Variants in CHST9 observed in about 807,000 individuals in gnomAD.
CHST9 encodes the protein GalNAc-4-sulfotransferase 2.
In CHST9, 41 loss-of-function variants were observed where a neutral mutation model predicts 44.4. That is an observed-to-expected ratio of 0.92 (90% CI 0.72 to 1.20). CHST9 has a LOEUF of 1.20. Among genes scored for constraint, CHST9 ranks in the 50% most tolerant of loss-of-function variants. The pLI, the probability that CHST9 is intolerant of heterozygous loss-of-function variation, is 0.00. For synonymous variants in CHST9, 171 were observed against 178.4 expected (o/e 0.96, Z 0.33); for missense variants, 504 against 516.5 (o/e 0.98, Z 0.23).
chr18:27,037,792 A>T (rs2143519025), intron 3 of CHST9, among the ~76,000 whole-genome samples: 1 of 152,286 alleles, frequency 6.6e-6, no homozygotes, highest in South Asian at 2.1e-4. Context: ...ACGTTATTTA[A>T]AAGCAAGAGA....
intron 1 of CHST9, among the ~76,000 whole-genome samples, chr18:27,184,747 C>T (rs2058942358): frequency 6.6e-6 from 1 of 152,168 alleles, no homozygotes; most frequent in Admixed American, 6.5e-5. Context: ...CTCTTTCCAA[C>T]CTCTGCATGC....
chr18:27,150,135 T>C (rs1389323553), intron 1 of CHST9, among the ~76,000 whole-genome samples: 1 of 152,122 alleles, frequency 6.6e-6, no homozygotes, highest in Non-Finnish European at 1.5e-5. Context: ...ATCTTCTTTT[T>C]CTCTTTGTCA....
chr18:27,038,966 A>T (rs1480401275), intron 3 of CHST9, among the ~76,000 whole-genome samples: 1 of 152,184 alleles, frequency 6.6e-6, no homozygotes, highest in African/African-American at 2.4e-5. Flanking sequence ...AATGTAATTT[A>T]TATATATGGC....
At chr18:27,093,815 A>G (rs1239881389) in intron 2 of CHST9, among the ~76,000 whole-genome samples, 1 of 151,720 alleles carries the variant, frequency 6.6e-6, no homozygotes, top group Non-Finnish European at 1.5e-5. Flanking sequence ...GAAATCACCC[A>G]TCTTCTGTGT....
At chr18:27,062,267 T>C (rs2057731846) in intron 2 of CHST9, among the ~76,000 whole-genome samples, 1 of 152,138 alleles carries the variant, frequency 6.6e-6, no homozygotes, top group African/African-American at 2.4e-5. Context: ...ACCCATTAAC[T>C]TGTCATTTAC....
chr18:27,120,865 G>A (rs1424406562), intron 2 of CHST9, among the ~76,000 whole-genome samples: 3 of 152,180 alleles, frequency 2.0e-5, no homozygotes, highest in Non-Finnish European at 4.4e-5. Context: ...CCCAAAAACA[G>A]GAAGGTTCTC....
intron 2 of CHST9, among the ~76,000 whole-genome samples, chr18:27,130,292 A>G (rs1046849887): frequency 2.0e-5 from 3 of 152,238 alleles, no homozygotes; most frequent in African/African-American, 7.2e-5. Context: ...CTCAAAGTCC[A>G]CACTAATGAC....
chr18:27,061,485 T>A (rs985441432), intron 2 of CHST9, among the ~76,000 whole-genome samples: 1 of 152,144 alleles, frequency 6.6e-6, no homozygotes, highest in East Asian at 1.9e-4. Flanking sequence ...CACACATCAC[T>A]TTCACAGAAG....
At chr18:26,979,252 A>G (rs1430109096) in intron 4 of CHST9, among the ~76,000 whole-genome samples, 1 of 152,170 alleles carries the variant, frequency 6.6e-6, no homozygotes, top group African/African-American at 2.4e-5. Flanking sequence ...TAATGCTTAT[A>G]ATAGAATATT....
chr18:27,122,874 T>G (rs2058386665), intron 2 of CHST9, among the ~76,000 whole-genome samples: 1 of 152,074 alleles, frequency 6.6e-6, no homozygotes, highest in Non-Finnish European at 1.5e-5. Flanking sequence ...AGGAAAGCAT[T>G]TTAAGTGAGT....
intron 4 of CHST9, among the ~76,000 whole-genome samples, chr18:26,982,857 C>CA (rs2056709554): frequency 6.6e-6 from 1 of 152,134 alleles, no homozygotes; most frequent in Non-Finnish European, 1.5e-5. Flanking sequence ...TTCATATACT[C>CA]AAAAAATTAT....
At chr18:27,140,829 T>C (rs180789645) in intron 2 of CHST9, among the ~76,000 whole-genome samples, 1 of 152,342 alleles carries the variant, frequency 6.6e-6, no homozygotes, top group Admixed American at 6.5e-5. Context: ...ATTATTTCAG[T>C]AGTATAGAAA....
intron 4 of CHST9, among the ~76,000 whole-genome samples, chr18:26,965,921 C>G (rs1196632851): frequency 6.6e-6 from 1 of 152,166 alleles, no homozygotes; most frequent in Non-Finnish European, 1.5e-5. Flanking sequence ...CAAAAAAACC[C>G]TTTGGAACCC....
At chr18:27,155,811 C>T (rs1217147612) in intron 1 of CHST9, among the ~76,000 whole-genome samples, 1 of 151,916 alleles carries the variant, frequency 6.6e-6, no homozygotes. Context: ...ATACAATAAT[C>T]CAAGCATGAT....
At chr18:26,969,372 C>CTGTGTGTGTG (rs1371549809) in intron 4 of CHST9, among the ~76,000 whole-genome samples, 81 of 122,106 alleles carry the variant, frequency 6.6e-4, no homozygotes, top group African/African-American at 1.4e-3. Flanking sequence ...CTCTCTCTCT[C>CTGTGTGTGTG]TCTCTGTGTG....
chr18:27,058,726 T>C (rs1044400475), intron 2 of CHST9, among the ~76,000 whole-genome samples: 11 of 152,148 alleles, frequency 7.2e-5, no homozygotes, highest in African/African-American at 2.6e-4. Flanking sequence ...CAAGAAACCA[T>C]TTTAGAAGGA....
At chr18:27,167,443 T>C (rs1256238036) in intron 1 of CHST9, among the ~76,000 whole-genome samples, 1 of 152,204 alleles carries the variant, frequency 6.6e-6, no homozygotes, top group East Asian at 1.9e-4. Flanking sequence ...TAGAACTTTC[T>C]TCTTTTCTGA....
chr18:27,172,206 T>C (rs1277933736), intron 1 of CHST9, among the ~76,000 whole-genome samples: 2 of 152,184 alleles, frequency 1.3e-5, no homozygotes, highest in Non-Finnish European at 2.9e-5. Flanking sequence ...TATTTTCTTT[T>C]AATGTCAAAT....
At chr18:27,024,643 G>C (rs2057264087) in intron 3 of CHST9, among the ~76,000 whole-genome samples, 1 of 152,214 alleles carries the variant, frequency 6.6e-6, no homozygotes, top group Non-Finnish European at 1.5e-5. Context: ...ACAGCTCCTG[G>C]CATTATTAGT....
Sources: allele counts gnomAD v4.1 joint callset (sites outside exome capture counted in the v4.1 genomes callset), GRCh38; gene constraint gnomAD v4.1.1; transcripts MANE v1.5; gene names NCBI Gene and HGNC (gene_info 2026-07-23, HGNC 2026-07-21).